The following ACBD6 variants were observed in gnomAD, a reference collection of about 807,000 sequenced individuals.
The protein encoded by ACBD6 is acyl-CoA-binding domain-containing protein 6.
In ACBD6, 28 loss-of-function variants were observed where a neutral mutation model predicts 37.2. The ratio of observed to expected loss-of-function variants is 0.75; its 90% CI spans 0.56 to 1.03. ACBD6 has a LOEUF of 1.03. ACBD6 is among the 50% of genes least tolerant of loss of function. ACBD6 has a pLI of 0.00. For synonymous variants in ACBD6, 113 were observed against 126.8 expected (o/e 0.89, Z 0.73); for missense variants, 340 against 337.4 (o/e 1.01, Z -0.06).
intron 3 of ACBD6, among the ~76,000 whole-genome samples, chr1:180,460,755 C>T (rs1429821751): frequency 2.0e-5 from 3 of 152,166 alleles, no homozygotes; most frequent in African/African-American, 7.2e-5. Context: ...AGGTCAGCAA[C>T]CTCAAAGATT....
At chr1:180,354,881 C>T (rs974732528) in intron 6 of ACBD6, among the ~76,000 whole-genome samples, 2 of 152,124 alleles carry the variant, frequency 1.3e-5, no homozygotes, top group African/African-American at 2.4e-5. Flanking sequence ...GAATAAAACA[C>T]GTCCTCCAAG....
chr1:180,497,100 G>A (rs1401002260), intron 1 of ACBD6, among the ~76,000 whole-genome samples: 1 of 152,164 alleles, frequency 6.6e-6, no homozygotes, highest in Non-Finnish European at 1.5e-5. Flanking sequence ...TGAACTACCA[G>A]ACTGTTAGAA....
At chr1:180,476,157 AG>A (rs1440460956) in intron 3 of ACBD6, among the ~76,000 whole-genome samples, 1 of 152,246 alleles carries the variant, frequency 6.6e-6, no homozygotes, top group Non-Finnish European at 1.5e-5. Context: ...GTTTATCCCC[AG>A]GTAAAATCAT....
chr1:180,429,088 G>T (rs556872362), intron 4 of ACBD6, among the ~76,000 whole-genome samples: 1 of 152,150 alleles, frequency 6.6e-6, no homozygotes, highest in Admixed American at 6.5e-5. Flanking sequence ...GCAAAGATGG[G>T]TAAAATATGA....
chr1:180,308,906 A>G (rs1650485970), intron 7 of ACBD6, among the ~76,000 whole-genome samples: 2 of 152,210 alleles, frequency 1.3e-5, no homozygotes, highest in South Asian at 4.1e-4. Flanking sequence ...TAGGCATTCA[A>G]ATATTTGTTG....
chr1:180,337,970 A>C (rs2149304530), intron 6 of ACBD6, among the ~76,000 whole-genome samples: 1 of 152,352 alleles, frequency 6.6e-6, no homozygotes, highest in African/African-American at 2.4e-5. Flanking sequence ...TTCAAGGAGA[A>C]CTACAAACCA....
chr1:180,435,115 A>G lies in ACBD6; in HGVS notation c.385-4853T>C, dbSNP rs568419210. ...TCATCCTTCTCACCTAACACTGGGG[A>G]AAAAAAAGCTAAAATCAAGACAGGG... is the stretch of plus-strand genomic sequence containing the variant. On this transcript the variant is annotated intron_variant, in intron 3 of 7. Coordinates refer to ENST00000367595, the MANE Select transcript of ACBD6 (RefSeq NM_032360.4). The G allele has an allele frequency of 1.2e-3, 850 of 731,622 alleles. 2 individuals carry two copies. In the Middle Eastern group the frequency reaches 0.019, roughly 17 times the overall value. 45.3% of individuals were successfully genotyped at this position (731,622 alleles called of 1,614,324 possible).
At chr1:180,442,441 G>A (rs1444985504) in intron 3 of ACBD6, among the ~76,000 whole-genome samples, 1 of 152,154 alleles carries the variant, frequency 6.6e-6, no homozygotes, top group African/African-American at 2.4e-5. Context: ...CCTCCATAAA[G>A]AAGAATTTTC....
At chr1:180,441,793 G>C (rs1649289370) in intron 3 of ACBD6, among the ~76,000 whole-genome samples, 1 of 152,074 alleles carries the variant, frequency 6.6e-6, no homozygotes, top group African/African-American at 2.4e-5. Flanking sequence ...GGATTCTCTG[G>C]ATTTTCTATA....
intron 7 of ACBD6, among the ~76,000 whole-genome samples, chr1:180,300,165 A>G (rs967076983): frequency 6.6e-6 from 1 of 152,174 alleles, no homozygotes; most frequent in South Asian, 2.1e-4. Context: ...AATAATAACT[A>G]AATCCCCAAA....
chr1:180,488,732 C>T (rs184179475), intron 3 of ACBD6, among the ~76,000 whole-genome samples: 39 of 152,172 alleles, frequency 2.6e-4, no homozygotes, highest in African/African-American at 9.4e-4. Context: ...CACCACCATG[C>T]CTGGCTAATT....
chr1:180,271,307 A>G (rs1203571241), exon 14 of ACBD6: 1 of 1,539,658 alleles, frequency 6.5e-7, no homozygotes, highest in African/African-American at 1.4e-5. Context: ...GAAAGGATGG[A>G]AGGGAGGGTG....
At chr1:180,403,045 A>G (rs2101959548) in intron 5 of ACBD6, among the ~76,000 whole-genome samples, 1 of 152,342 alleles carries the variant, frequency 6.6e-6, no homozygotes, top group East Asian at 1.9e-4. Context: ...AATATGGATG[A>G]GTCTCAAAAA....
chr1:180,324,713 T>C (rs531092060), intron 6 of ACBD6, among the ~76,000 whole-genome samples: 1 of 152,308 alleles, frequency 6.6e-6, no homozygotes, highest in Non-Finnish European at 1.5e-5. Context: ...TAATTTCTTA[T>C]TGCTCATTAA....
intron 5 of ACBD6, among the ~76,000 whole-genome samples, chr1:180,398,071 AAC>A (rs1654330918): frequency 6.6e-6 from 1 of 151,774 alleles, no homozygotes; most frequent in Non-Finnish European, 1.5e-5. Context: ...CAACAACAAC[AAC>A]AACAACAACA....
At chr1:180,411,101 G>A (rs1647836296) in intron 5 of ACBD6, among the ~76,000 whole-genome samples, 1 of 152,218 alleles carries the variant, frequency 6.6e-6, no homozygotes, top group African/African-American at 2.4e-5. Flanking sequence ...AAAATTAGAA[G>A]TGGAACCTGA....
At chr1:180,390,318 C>T (rs57121397) in intron 6 of ACBD6, among the ~76,000 whole-genome samples, 8,579 of 128,418 alleles carry the variant, frequency 0.067, 281 homozygotes, top group Middle Eastern at 0.12. Flanking sequence ...GTTGTAGATA[C>T]GCGGCATTAT....
chr1:180,452,454 G>A (rs1271147168), intron 3 of ACBD6, among the ~76,000 whole-genome samples: 1 of 151,536 alleles, frequency 6.6e-6, no homozygotes, highest in Non-Finnish European at 1.5e-5. Flanking sequence ...CTGGGCAACA[G>A]AGTGAGACTC....
At chr1:180,361,958 TTA>T (rs1348029729) in intron 6 of ACBD6, among the ~76,000 whole-genome samples, 1 of 151,820 alleles carries the variant, frequency 6.6e-6, no homozygotes, top group Non-Finnish European at 1.5e-5. Flanking sequence ...CCACAAAATG[TTA>T]TAGAGGGAAC....
Sources: gnomAD v4.1 joint callset for allele counts (sites outside exome capture counted in the v4.1 genomes callset) on GRCh38, gnomAD v4.1.1 for gene constraint, MANE v1.5 for transcripts, NCBI Gene and HGNC (gene_info 2026-07-23, HGNC 2026-07-21) for gene names.